Variants in ESR1 observed in about 807,000 individuals in gnomAD.
The protein encoded by ESR1 is estrogen receptor 1.
In ESR1, 12 loss-of-function variants were observed where a neutral mutation model predicts 52.7. That is an observed-to-expected ratio of 0.23 (90% CI 0.15 to 0.37). ESR1 has a LOEUF of 0.37. Among genes scored for constraint, ESR1 ranks in the 10% least tolerant of loss-of-function variants. The pLI is 1.00. For missense variants in ESR1, 584 were observed against 779.7 expected (o/e 0.75, Z 2.99); for synonymous variants, 305 against 316.8 (o/e 0.96, Z 0.39).
At chr6:152,065,730 C>T (rs181494008) in intron 6 of ESR1, among the ~76,000 whole-genome samples, 16 of 152,238 alleles carry the variant, frequency 1.1e-4, no homozygotes, top group South Asian at 2.1e-4. Context: ...TCCAGTTACC[C>T]GGATGCCTTC....
At chr6:152,107,734 C>G (rs909814580), downstream of ESR1, among the ~76,000 whole-genome samples, 3 of 152,134 alleles carry the variant, frequency 2.0e-5, no homozygotes, top group Non-Finnish European at 4.4e-5. Flanking sequence ...TCTTATTCTT[C>G]CCTGCTTGTT....
chr6:151,863,349 AG>A (rs1789243874), intron 2 of ESR1, among the ~76,000 whole-genome samples: 1 of 152,162 alleles, frequency 6.6e-6, no homozygotes, highest in Non-Finnish European at 1.5e-5. Flanking sequence ...CTCCTTGAAG[AG>A]GTCCTTCACA....
At chr6:151,809,305 A>G in intron 1 of ESR1, 2 of 337,530 alleles carry the variant, frequency 5.9e-6, no homozygotes, top group South Asian at 2.3e-5. Flanking sequence ...TTTTCCCTAC[A>G]AGAATTGTTC....
At chr6:151,790,321 C>T (rs1787411047) in intron 2 of ESR1, among the ~76,000 whole-genome samples, 1 of 152,162 alleles carries the variant, frequency 6.6e-6, no homozygotes, top group African/African-American at 2.4e-5. Context: ...AAGTGGTGGG[C>T]CAGAGTTCTC....
At chr6:151,731,904 A>G (rs544966930) in intron 2 of ESR1, among the ~76,000 whole-genome samples, 1 of 152,184 alleles carries the variant, frequency 6.6e-6, no homozygotes, top group African/African-American at 2.4e-5. Flanking sequence ...AATCAGAAGA[A>G]GAAAGTGCTA....
chr6:151,719,440 A>G (rs1414081098), intron 2 of ESR1, among the ~76,000 whole-genome samples: 1 of 152,132 alleles, frequency 6.6e-6, no homozygotes, highest in African/African-American at 2.4e-5. Flanking sequence ...GTCGCTATCC[A>G]GGGAAGGAAT....
At chr6:151,790,635 G>A (rs149239578) in intron 2 of ESR1, among the ~76,000 whole-genome samples, 5 of 151,336 alleles carry the variant, frequency 3.3e-5, no homozygotes, top group African/African-American at 9.7e-5. Flanking sequence ...TTTGGAATGT[G>A]CCATTTAATA....
At chr6:151,689,009 A>G (rs1333783375), upstream of ESR1, among the ~76,000 whole-genome samples, 1 of 152,220 alleles carries the variant, frequency 6.6e-6, no homozygotes, top group Non-Finnish European at 1.5e-5. Context: ...ATTTACATAC[A>G]ATATACATTG....
intron 3 of ESR1, among the ~76,000 whole-genome samples, chr6:151,913,088 A>G (rs1165154093): frequency 6.6e-6 from 1 of 152,150 alleles, no homozygotes; most frequent in African/African-American, 2.4e-5. Context: ...AAGTAAAATA[A>G]ATGAAAAAGA....
At chr6:151,883,077 A>G (rs1298751277) in intron 3 of ESR1, among the ~76,000 whole-genome samples, 2 of 151,994 alleles carry the variant, frequency 1.3e-5, no homozygotes, top group East Asian at 1.9e-4. Context: ...GAAGCTGGAC[A>G]TGCATAATCA....
intron 1 of ESR1, among the ~76,000 whole-genome samples, chr6:151,692,972 G>A (rs1175185380): frequency 6.6e-6 from 1 of 152,168 alleles, no homozygotes; most frequent in Non-Finnish European, 1.5e-5. Context: ...ATATTAAGTA[G>A]TTTAATTCAG....
intron 1 of ESR1, among the ~76,000 whole-genome samples, chr6:151,662,812 G>A (rs1193728996): frequency 6.6e-6 from 1 of 152,172 alleles, no homozygotes; most frequent in African/African-American, 2.4e-5. Flanking sequence ...TCTTTAGCAT[G>A]TATTAAACGA....
In ESR1 at chr6:151,717,495, A is replaced by G. The variant is rs1211550492; in HGVS notation, c.-71+15490A>G. ...TGATAGTATCTTGTAATCCAAGTAC[A>G]TGATATATTTCTACATTATTTAGAT... is the stretch of plus-strand genomic sequence containing the variant. On this transcript the variant is annotated intron_variant, in intron 2 of 2. Coordinates refer to the ESR1 transcript ENST00000404742. Among the ~76,000 whole-genome samples, 6 of 152,254 alleles carry G rather than the reference A, an allele frequency of 3.9e-5. No individual in the cohort carries two copies. In the East Asian group the frequency reaches 7.7e-4, roughly 19 times the overall value.
chr6:152,057,040 T>A (rs1283156776), intron 5 of ESR1, among the ~76,000 whole-genome samples: 1 of 152,112 alleles, frequency 6.6e-6, no homozygotes, highest in African/African-American at 2.4e-5. Flanking sequence ...TCTAGTCTGA[T>A]TTGCCCCTTG....
intron 2 of ESR1, among the ~76,000 whole-genome samples, chr6:151,771,523 G>T (rs1362592161): frequency 1.3e-5 from 2 of 152,088 alleles, no homozygotes; most frequent in African/African-American, 4.8e-5. Context: ...TTTCACCACT[G>T]ATCAAAAAAT....
At chr6:152,049,364 T>G (rs547152295) in intron 5 of ESR1, among the ~76,000 whole-genome samples, 2 of 152,214 alleles carry the variant, frequency 1.3e-5, no homozygotes, top group South Asian at 4.1e-4. Flanking sequence ...TTAAGAACTC[T>G]TCTGGCTATC....
At chr6:151,822,948 G>C (rs1376103951) in intron 1 of ESR1, among the ~76,000 whole-genome samples, 9 of 152,116 alleles carry the variant, frequency 5.9e-5, no homozygotes, top group Admixed American at 5.9e-4. Flanking sequence ...CTATTGTCCT[G>C]AGCTCAGATC....
At chr6:152,006,794 A>G (rs1212482665) in intron 4 of ESR1, among the ~76,000 whole-genome samples, 1 of 152,106 alleles carries the variant, frequency 6.6e-6, no homozygotes, top group Non-Finnish European at 1.5e-5. Flanking sequence ...GGGTCATCAT[A>G]TGACTGAGAA....
At chr6:151,757,608 G>A (rs1323117151) in intron 2 of ESR1, among the ~76,000 whole-genome samples, 1 of 152,180 alleles carries the variant, frequency 6.6e-6, no homozygotes, top group Non-Finnish European at 1.5e-5. Context: ...GCTCATGCAT[G>A]TTTATTATTA....
Sources: allele counts gnomAD v4.1 joint callset (sites outside exome capture counted in the v4.1 genomes callset), GRCh38; gene constraint gnomAD v4.1.1; transcripts MANE v1.5; gene names NCBI Gene and HGNC (gene_info 2026-07-23, HGNC 2026-07-21).